Variants in PAQR5 observed in about 807,000 individuals in gnomAD.
The protein encoded by PAQR5 is membrane progestin receptor gamma.
A neutral mutation model predicts 34.5 loss-of-function variants in PAQR5; 20 were observed. That is an observed-to-expected ratio of 0.58 (90% CI 0.41 to 0.84). The LOEUF (loss-of-function observed/expected upper bound fraction) is 0.84, where lower values mean the gene tolerates loss of function less well. Among genes scored for constraint, PAQR5 ranks in the 40% least tolerant of loss-of-function variants. The pLI, the probability that PAQR5 is intolerant of heterozygous loss-of-function variation, is 0.00. For missense variants in PAQR5, 378 were observed against 412.7 expected (o/e 0.92, Z 0.73); for synonymous variants, 131 against 155.6 (o/e 0.84, Z 1.18).
In PAQR5 at chr15:69,371,223, G is replaced by T. The variant is rs1595905117; in HGVS notation, c.52-8660G>T. 2.6e-5 allele frequency among the ~76,000 whole-genome samples: 4 copies of T among 152,228 alleles called. No individual in the cohort carries two copies. The Middle Eastern group carries it at 0.014, about 518-fold the overall frequency. On this transcript the variant is annotated intron_variant, in intron 3 of 8. Coordinates refer to ENST00000395407, the MANE Select transcript of PAQR5 (RefSeq NM_017705.4). ...CATTCAGTTTTATTGAGGTAGAACA[G>T]CTGGAATTACAAAAAAATAATTCTT... is the stretch of plus-strand genomic sequence containing the variant.
intron 1 of PAQR5, among the ~76,000 whole-genome samples, chr15:69,319,326 G>A (rs1393675521): frequency 6.6e-6 from 1 of 151,120 alleles, no homozygotes; most frequent in African/African-American, 2.4e-5. Flanking sequence ...TGAAGCCATG[G>A]ATAAGGGGGA....
chr15:69,300,590 CTTCTTTCTTTCTTTCTTTCTTTCT>C lies in PAQR5; in HGVS notation c.-277+1573_-277+1596del, dbSNP rs71147600. Among the ~76,000 whole-genome samples, 22 of 42,062 alleles carry C rather than the reference CTTCTTTCTTTCTTTCTTTCTTTCT, an allele frequency of 5.2e-4. 5 individuals are homozygous for C. The highest frequency in any genetic ancestry group is 3.6e-3 in the South Asian group (4 of 1,098). The allele number at this position is 42,062 out of a possible 152,430, so 27.6% of individuals were successfully genotyped here. A position where few individuals can be genotyped will look rare whatever the true frequency, so the allele number is the denominator to read the frequency against. On this transcript the variant is annotated intron_variant, in intron 1 of 8. Coordinates refer to ENST00000395407, the MANE Select transcript of PAQR5 (RefSeq NM_017705.4). ...TTCTTTCTCTTTCTTTCTTTCTTTC[CTTCTTTCTTTCTTTCTTTCTTTCT>C]TTCTTTCTTTCTTTCTTTCTTTCTT...
intron 2 of PAQR5, among the ~76,000 whole-genome samples, chr15:69,349,961 A>T (rs1431820610): frequency 6.6e-6 from 1 of 152,070 alleles, no homozygotes; most frequent in Non-Finnish European, 1.5e-5. Context: ...TTTCAAGCAG[A>T]GGAAGGGATC....
At chr15:69,299,302 G>C (rs962712912) in intron 1 of PAQR5, among the ~76,000 whole-genome samples, 1 of 152,198 alleles carries the variant, frequency 6.6e-6, no homozygotes, top group African/African-American at 2.4e-5. Flanking sequence ...CGTGCAGAAG[G>C]CTCTCTGCTG....
At chr15:69,381,218 C>G (rs1223280666) in intron 4 of PAQR5, among the ~76,000 whole-genome samples, 1 of 152,182 alleles carries the variant, frequency 6.6e-6, no homozygotes, top group African/African-American at 2.4e-5. Flanking sequence ...CTGCCACTGG[C>G]CCCAGTTCTC....
intron 2 of PAQR5, among the ~76,000 whole-genome samples, chr15:69,358,280 G>T (rs796167940): frequency 5.9e-5 from 9 of 152,264 alleles, no homozygotes; most frequent in African/African-American, 1.9e-4. Flanking sequence ...AAGCAATCTT[G>T]TTACTTACTC....
chr15:69,345,879 G>C (rs2054756113), intron 2 of PAQR5, among the ~76,000 whole-genome samples: 1 of 152,208 alleles, frequency 6.6e-6, no homozygotes, highest in Admixed American at 6.5e-5. Context: ...GCTGCAGTGT[G>C]CTGTGATCAC....
chr15:69,399,365 C>A (rs978452344), intron 7 of PAQR5, among the ~76,000 whole-genome samples: 2 of 152,210 alleles, frequency 1.3e-5, no homozygotes, highest in African/African-American at 4.8e-5. Flanking sequence ...AGGATTTTCT[C>A]AATATCACTT....
intron 3 of PAQR5, among the ~76,000 whole-genome samples, chr15:69,366,728 T>C (rs1263625411): frequency 1.3e-5 from 2 of 152,216 alleles, no homozygotes; most frequent in Admixed American, 1.3e-4. Flanking sequence ...ATTATCTTTA[T>C]ATTTTTACCA....
chr15:69,379,082 T>G (rs1346895583), intron 3 of PAQR5, among the ~76,000 whole-genome samples: 2 of 152,230 alleles, frequency 1.3e-5, no homozygotes, highest in African/African-American at 4.8e-5. Flanking sequence ...GTAAACTTCA[T>G]TTTCCCAAGC....
intron 4 of PAQR5, among the ~76,000 whole-genome samples, 172 bp from the exon 5 acceptor site, chr15:69,384,505 G>A (rs2056048887): frequency 1.9e-5 from 1 of 53,664 alleles, no homozygotes; most frequent in Non-Finnish European, 4.7e-5. Flanking sequence ...AGGGTGAGTG[G>A]GCCCTCCGTG....
intron 7 of PAQR5, among the ~76,000 whole-genome samples, chr15:69,399,119 A>G (rs925548315): frequency 1.3e-5 from 2 of 152,350 alleles, no homozygotes; most frequent in Middle Eastern, 3.4e-3. Context: ...CTGAAACAGT[A>G]TAGTGGCCAT....
chr15:69,398,160 C>T (rs1032627211), intron 7 of PAQR5, among the ~76,000 whole-genome samples: 2 of 152,000 alleles, frequency 1.3e-5, no homozygotes, highest in African/African-American at 2.4e-5. Flanking sequence ...AGCAAGAGTT[C>T]GGGAATGCAT....
chr15:69,368,186 T>TG (rs5813536), intron 3 of PAQR5, among the ~76,000 whole-genome samples: 144,544 of 152,150 alleles, frequency 0.95, 69,106 homozygotes, highest in East Asian at 1. Flanking sequence ...CCTATATAGC[T>TG]GGATTACGGG....
chr15:69,406,565 A>C lies in PAQR5; in HGVS notation c.*2743A>C, dbSNP rs982073920. 2.0e-5 allele frequency: 3 copies of C among 152,424 alleles called. No homozygotes were observed. The highest frequency in any genetic ancestry group is 2.1e-4 in the South Asian group (1 of 4,834). The allele number at this position is 152,424 out of a possible 1,614,324, so 9.4% of individuals were successfully genotyped here. Reference sequence around the variant, plus strand: ...TGACTAGTCTTAAAACAAAGAAAGAACGAATGAATGAATGAATCTGTGGCT... The same window carrying C: ...TGACTAGTCTTAAAACAAAGAAAGACCGAATGAATGAATGAATCTGTGGCT... On this transcript the variant is annotated 3_prime_UTR_variant, in exon 9 of 9. Transcript: ENST00000395407.
rs1595962692 is a variant in PAQR5, at chr15:69,407,504, G to A, written c.*3682G>A. 6.6e-6 allele frequency: 1 copy of A among 152,124 alleles called. No individual in the cohort carries two copies. The highest frequency in any genetic ancestry group is 1.5e-5 in the Non-Finnish European group (1 of 68,002). 9.4% of individuals were successfully genotyped at this position (152,124 alleles called of 1,614,324 possible). A position where few individuals can be genotyped will look rare whatever the true frequency, so the allele number is the denominator to read the frequency against. ...CTTCAAAACATATTATTTGAATTTC[G>A]GCCTCTGATTTTCTAGTCAACAATC... On this transcript the variant is annotated 3_prime_UTR_variant, in exon 9 of 9. Transcript: ENST00000395407.
intron 5 of PAQR5, 66 bp from the exon 6 acceptor site, chr15:69,389,587 TC>T: frequency 1.9e-6 from 3 of 1,601,824 alleles, no homozygotes; most frequent in Non-Finnish European, 2.6e-6. Flanking sequence ...CTGGGGACAG[TC>T]TTTGCAAGGG....
In PAQR5 at chr15:69,404,126, G is replaced by T; in HGVS notation, c.*304G>T. The T allele has an allele frequency of 6.7e-6, 2 of 299,572 alleles. No individual in the cohort carries two copies. Among genetic ancestry groups the T allele is most frequent in the Non-Finnish European group, 1.3e-5 (2 of 159,098 alleles). The allele number at this position is 299,572 out of a possible 1,614,324, so 18.6% of individuals were successfully genotyped here. A position where few individuals can be genotyped will look rare whatever the true frequency, so the allele number is the denominator to read the frequency against. ...GGTTTTAAATTCTATTTAAACATTT[G>T]GATTAAGCATATTACTCTGGAGCTT... is the stretch of plus-strand genomic sequence containing the variant. On this transcript the variant is annotated 3_prime_UTR_variant, in exon 9 of 9. Transcript: ENST00000395407.
chr15:69,302,822 C>G (rs1156434737), intron 1 of PAQR5, among the ~76,000 whole-genome samples: 1 of 152,290 alleles, frequency 6.6e-6, no homozygotes, highest in South Asian at 2.1e-4. Context: ...TCACGCATGG[C>G]CCTGCCCAGT....
Sources: allele counts gnomAD v4.1 joint callset (sites outside exome capture counted in the v4.1 genomes callset), GRCh38; gene constraint gnomAD v4.1.1; transcripts MANE v1.5; gene names NCBI Gene and HGNC (gene_info 2026-07-23, HGNC 2026-07-21).